The following WDFY4 variants were observed in gnomAD, a reference collection of about 807,000 sequenced individuals.
WDFY4 encodes WDFY family member 4.
WDFY4 carries 169 observed loss-of-function variants against 351.9 expected under a neutral mutation model. The observed-to-expected ratio is 0.48, with a 90% confidence interval of 0.42 to 0.55. The LOEUF (loss-of-function observed/expected upper bound fraction) is 0.55, where lower values mean the gene tolerates loss of function less well. Ranked by LOEUF, WDFY4 falls within the 20% of genes least tolerant of loss-of-function variation. WDFY4 has a pLI of 0.00. For synonymous variants in WDFY4, 1,622 were observed against 1,574.6 expected (o/e 1.03, Z -0.71); for missense variants, 3,803 against 3,935.6 (o/e 0.97, Z 0.90).
chr10:48,741,456 A>AG (rs2064848226), intron 11 of WDFY4, among the ~76,000 whole-genome samples: 1 of 58,700 alleles, frequency 1.7e-5, no homozygotes, highest in African/African-American at 4.9e-5. Flanking sequence ...CCGTCTCAAA[A>AG]AAAAAAAAAA....
At chr10:48,851,160 C>T (rs1346379479) in intron 39 of WDFY4, among the ~76,000 whole-genome samples, 2 of 152,186 alleles carry the variant, frequency 1.3e-5, no homozygotes, top group African/African-American at 2.4e-5. Flanking sequence ...GACTTTGCCC[C>T]ACTATTCAAG....
intron 39 of WDFY4, among the ~76,000 whole-genome samples, chr10:48,855,835 C>G (rs2069113550): frequency 6.6e-6 from 1 of 151,896 alleles, no homozygotes; most frequent in Non-Finnish European, 1.5e-5. Context: ...AGTTTTATAA[C>G]TTTTGTTACA....
intron 49 of WDFY4, among the ~76,000 whole-genome samples, chr10:48,944,641 T>G (rs138476561): frequency 6.6e-6 from 1 of 152,336 alleles, no homozygotes; most frequent in East Asian, 1.9e-4. Context: ...TTAAGACATT[T>G]AATGCAGCAA....
At chr10:48,734,482 C>A (rs1192949245) in intron 10 of WDFY4, among the ~76,000 whole-genome samples, 1 of 150,656 alleles carries the variant, frequency 6.6e-6, no homozygotes, top group South Asian at 2.1e-4. Context: ...CTTTTAGCGT[C>A]CTAAGATCAT....
Position 48,817,334 on chromosome 10 carries a change from C to A in WDFY4, c.5430C>A (p.Pro1810=). 1 of 1,551,672 alleles carries A rather than the reference C, an allele frequency of 6.4e-7. No homozygotes were observed. The highest frequency in any genetic ancestry group is 1.4e-5 in the African/African-American group (1 of 73,190). Residue 1810 remains proline (P), a synonymous_variant, in exon 32 of 62, where the codon CCC becomes CCA. Coordinates refer to ENST00000325239, the MANE Select transcript of WDFY4 (RefSeq NM_001394531.1). ...TCAGCCTCGTCCACCGCACCTACCC[C>A]CAGGACCCAGCGTGGCGAGCCCCGG... is the stretch of plus-strand genomic sequence containing the variant. The part of the protein sequence containing the change: ...QFLSLVHRTY[P]QDPAWRAPEF...
At chr10:48,930,715 A>G (rs1226136096) in intron 47 of WDFY4, among the ~76,000 whole-genome samples, 1 of 152,210 alleles carries the variant, frequency 6.6e-6, no homozygotes, top group Non-Finnish European at 1.5e-5. Context: ...CAACCCAAAT[A>G]TCTAACAATA....
intron 1 of WDFY4, among the ~76,000 whole-genome samples, chr10:48,702,128 A>T (rs1410112903): frequency 6.6e-6 from 1 of 152,188 alleles, no homozygotes; most frequent in Non-Finnish European, 1.5e-5. Context: ...TCCTCCTGAA[A>T]GCTTACTTCA....
intron 47 of WDFY4, chr10:48,911,017 G>C (rs1054906642): frequency 1.0e-5 from 5 of 478,520 alleles, no homozygotes; most frequent in Admixed American, 6.4e-5. Context: ...TCATCATGTA[G>C]CTATCCGGCA....
intron 51 of WDFY4, among the ~76,000 whole-genome samples, chr10:48,955,849 G>C (rs1841564593): frequency 6.6e-6 from 1 of 152,148 alleles, no homozygotes; most frequent in Admixed American, 6.5e-5. Flanking sequence ...GGCGGGCACA[G>C]AGTGGGCACT....
intron 39 of WDFY4, among the ~76,000 whole-genome samples, chr10:48,841,454 T>A (rs1427292958): frequency 1.3e-5 from 2 of 152,226 alleles, no homozygotes; most frequent in African/African-American, 2.4e-5. Context: ...CTAGCTGAGC[T>A]TTCCCTTTAA....
At chr10:48,688,397 T>C (rs989345551) in intron 1 of WDFY4, among the ~76,000 whole-genome samples, 58 of 152,254 alleles carry the variant, frequency 3.8e-4, no homozygotes, top group African/African-American at 1.3e-3. Context: ...AGAAGTGATA[T>C]CTTTATGAAA....
chr10:48,694,462 C>T (rs554318916), intron 1 of WDFY4, among the ~76,000 whole-genome samples: 1 of 152,194 alleles, frequency 6.6e-6, no homozygotes, highest in Admixed American at 6.5e-5. Context: ...CTTCCACCAC[C>T]CCCTAGCCTC....
chr10:48,747,828 T>C (rs2065060433), intron 12 of WDFY4, among the ~76,000 whole-genome samples: 1 of 152,270 alleles, frequency 6.6e-6, no homozygotes, highest in Non-Finnish European at 1.5e-5. Context: ...GTGACAATCA[T>C]GGAAGGTCCC....
chr10:48,944,257 G>T (rs10857662), intron 49 of WDFY4, among the ~76,000 whole-genome samples: 1 of 152,184 alleles, frequency 6.6e-6, no homozygotes, highest in African/African-American at 2.4e-5. Flanking sequence ...ATGGTGTCTG[G>T]GCCTCATCTG....
intron 39 of WDFY4, among the ~76,000 whole-genome samples, chr10:48,856,924 A>C (rs573059326): frequency 1.3e-5 from 2 of 152,312 alleles, no homozygotes; most frequent in East Asian, 3.9e-4. Flanking sequence ...ACACAGATAC[A>C]AATTTTCCAA....
intron 47 of WDFY4, among the ~76,000 whole-genome samples, chr10:48,934,033 A>G (rs1318293373): frequency 6.6e-6 from 1 of 152,078 alleles, no homozygotes; most frequent in South Asian, 2.1e-4. Context: ...AGTGCCTCCC[A>G]TCTCTCCCTG....
chr10:48,946,991 TACACACACACACAC>T, intron 51 of WDFY4, 22 bp downstream of exon 51: 1 of 1,099,478 alleles, frequency 9.1e-7, no homozygotes, highest in Non-Finnish European at 1.3e-6. Context: ...CCACTCTCTG[TACACACACACACAC>T]ACACACACAC....
intron 55 of WDFY4, chr10:48,966,885 C>A (rs1237173507): frequency 1.7e-6 from 1 of 604,236 alleles, no homozygotes; most frequent in Non-Finnish European, 2.8e-6. Context: ...CTTCTGAAGA[C>A]CCACGTCTCT....
At chr10:48,721,219 G>T (rs1464368653) in intron 3 of WDFY4, 42 bp from the exon 4 acceptor site, 1 of 1,517,472 alleles carries the variant, frequency 6.6e-7, no homozygotes, top group Non-Finnish European at 9.0e-7. Flanking sequence ...GAAGCTGAGT[G>T]GGCAGGTCGC....
Sources: gnomAD v4.1 joint callset for allele counts (sites outside exome capture counted in the v4.1 genomes callset) on GRCh38, gnomAD v4.1.1 for gene constraint, MANE v1.5 for transcripts, NCBI Gene and HGNC (gene_info 2026-07-23, HGNC 2026-07-21) for gene names.